DLG2: variants seen among roughly 807,000 people sequenced by gnomAD.
The protein encoded by DLG2 is discs large MAGUK scaffold protein 2, also known as disks large homolog 2.
DLG2 carries 45 observed loss-of-function variants against 132.5 expected under a neutral mutation model. That is an observed-to-expected ratio of 0.34 (90% CI 0.27 to 0.44). The LOEUF (loss-of-function observed/expected upper bound fraction) is 0.44. DLG2 is among the 20% of genes least tolerant of loss of function. The pLI is 1.00. For synonymous variants in DLG2, 424 were observed against 419.6 expected (o/e 1.01, Z -0.13); for missense variants, 1,045 against 1,196.9 (o/e 0.87, Z 1.87).
At chr11:84,886,984 C>G (rs777082110) in intron 6 of DLG2, among the ~76,000 whole-genome samples, 3 of 152,090 alleles carry the variant, frequency 2.0e-5, no homozygotes, top group Admixed American at 6.6e-5. Context: ...TTATATCAAA[C>G]AATCACAAGA....
At chr11:84,261,987 G>A (rs1353041175) in intron 7 of DLG2, among the ~76,000 whole-genome samples, 1 of 152,140 alleles carries the variant, frequency 6.6e-6, no homozygotes, top group East Asian at 1.9e-4. Context: ...GCTATTCACT[G>A]CAGAGCATGA....
intron 7 of DLG2, among the ~76,000 whole-genome samples, chr11:84,344,641 C>A (rs1048260873): frequency 6.6e-6 from 1 of 152,194 alleles, no homozygotes; most frequent in African/African-American, 2.4e-5. Flanking sequence ...AAACAAAAGA[C>A]TTCCTTCATC....
At chr11:83,939,048 CG>C (rs2082096552) in intron 14 of DLG2, among the ~76,000 whole-genome samples, 1 of 152,234 alleles carries the variant, frequency 6.6e-6, no homozygotes, top group South Asian at 2.1e-4. Context: ...AATGGATCAT[CG>C]GGCCTCCTTT....
At chr11:84,589,269 T>A (rs1315783374) in intron 6 of DLG2, among the ~76,000 whole-genome samples, 1 of 152,160 alleles carries the variant, frequency 6.6e-6, no homozygotes, top group Non-Finnish European at 1.5e-5. Flanking sequence ...GAGAGTTGCC[T>A]GTGGAGAAGT....
chr11:85,274,341 C>A (rs1304467469), intron 4 of DLG2, among the ~76,000 whole-genome samples: 1 of 152,044 alleles, frequency 6.6e-6, no homozygotes, highest in East Asian at 1.9e-4. Flanking sequence ...ATAATTCCCA[C>A]CAGCAAATAA....
chr11:84,609,684 A>G (rs1316654679), intron 6 of DLG2, among the ~76,000 whole-genome samples: 1 of 152,140 alleles, frequency 6.6e-6, no homozygotes, highest in Non-Finnish European at 1.5e-5. Context: ...TAATTTGGTA[A>G]TCAAATAGGA....
At chr11:84,189,369 C>G (rs770681519) in intron 8 of DLG2, among the ~76,000 whole-genome samples, 3 of 152,168 alleles carry the variant, frequency 2.0e-5, no homozygotes, top group Non-Finnish European at 4.4e-5. Context: ...CGCTTTTACA[C>G]TATTGGTGGG....
At chr11:83,933,072 G>C (rs1004698467) in intron 14 of DLG2, among the ~76,000 whole-genome samples, 2 of 152,116 alleles carry the variant, frequency 1.3e-5, no homozygotes, top group Non-Finnish European at 2.9e-5. Flanking sequence ...GTCTTTCCCT[G>C]CAGTTATATT....
At chr11:85,542,520 G>A (rs1598395462) in intron 3 of DLG2, among the ~76,000 whole-genome samples, 1 of 152,230 alleles carries the variant, frequency 6.6e-6, no homozygotes, top group East Asian at 1.9e-4. Flanking sequence ...AGTATTAATA[G>A]ATACCATATC....
intron 6 of DLG2, among the ~76,000 whole-genome samples, chr11:84,827,676 C>CAAAAAAAAAAAAAAAAA (rs398016953): frequency 1.4e-4 from 5 of 35,102 alleles, no homozygotes; most frequent in African/African-American, 2.8e-4. Flanking sequence ...TACATACAGT[C>CAAAAAAAAAAAAAAAAA]AAAAAAAAAA....
At chr11:83,580,263 C>T (rs1360020405) in intron 19 of DLG2, among the ~76,000 whole-genome samples, 2 of 151,934 alleles carry the variant, frequency 1.3e-5, no homozygotes, top group Non-Finnish European at 2.9e-5. Flanking sequence ...TTGGTTCCTT[C>T]CTTATTAAAA....
At chr11:85,216,137 A>G (rs973786548) in intron 4 of DLG2, among the ~76,000 whole-genome samples, 6 of 152,174 alleles carry the variant, frequency 3.9e-5, no homozygotes, top group African/African-American at 1.4e-4. Flanking sequence ...GCAATACAGT[A>G]GAAACCTCAT....
At position 85,311,786 on chromosome 11, in the gene DLG2, A is replaced by G. The variant is rs12575044; in HGVS notation, c.41-26421T>C. ...TTTCCAAAGTCCTATTTCACTCTAC[A>G]CATTCATTCACCTAGAACTTTTCAA... On this transcript the variant is annotated intron_variant, in intron 3 of 27. Coordinates refer to ENST00000376104, the MANE Select transcript of DLG2 (RefSeq NM_001142699.3). 7.2e-4 allele frequency among the ~76,000 whole-genome samples: 110 copies of G among 152,122 alleles called. 2 individuals carry two copies. The East Asian group carries it at 0.018, about 25-fold the overall frequency.
At chr11:85,468,029 T>G (rs2092854250) in intron 3 of DLG2, among the ~76,000 whole-genome samples, 1 of 152,194 alleles carries the variant, frequency 6.6e-6, no homozygotes, top group African/African-American at 2.4e-5. Flanking sequence ...TCTTCCTGGT[T>G]TAGTCTTGGG....
intron 6 of DLG2, among the ~76,000 whole-genome samples, chr11:85,003,270 T>A (rs1206074492): frequency 2.6e-5 from 4 of 152,228 alleles, no homozygotes; most frequent in African/African-American, 2.4e-5. Flanking sequence ...ACACAAAAAA[T>A]TTCTGGGAGA....
chr11:85,296,941 G>A (rs770118839), intron 3 of DLG2, among the ~76,000 whole-genome samples: 12 of 149,452 alleles, frequency 8.0e-5, no homozygotes, highest in Admixed American at 1.3e-4. Flanking sequence ...ATTTATTGTA[G>A]TGTACAAATT....
chr11:84,464,892 G>A (rs910358436), intron 7 of DLG2, among the ~76,000 whole-genome samples: 2 of 150,894 alleles, frequency 1.3e-5, no homozygotes, highest in East Asian at 3.9e-4. Flanking sequence ...TCAAGACAAT[G>A]CATAGGAAAG....
intron 3 of DLG2, among the ~76,000 whole-genome samples, chr11:85,558,288 A>C (rs2077042265): frequency 6.6e-6 from 1 of 151,912 alleles, no homozygotes; most frequent in Non-Finnish European, 1.5e-5. Flanking sequence ...GCTATTTTTA[A>C]AATGTCAAAA....
chr11:84,948,838 T>C (rs1317284328), intron 6 of DLG2, among the ~76,000 whole-genome samples: 2 of 152,178 alleles, frequency 1.3e-5, no homozygotes, highest in African/African-American at 4.8e-5. Flanking sequence ...TGTTTCCATG[T>C]GTAAAATAAG....
Sources: gnomAD v4.1 joint callset for allele counts (sites outside exome capture counted in the v4.1 genomes callset) on GRCh38, gnomAD v4.1.1 for gene constraint, MANE v1.5 for transcripts, NCBI Gene and HGNC (gene_info 2026-07-23, HGNC 2026-07-21) for gene names.